Variants in HEG1 observed in about 807,000 individuals in gnomAD.
HEG1 encodes the protein protein HEG homolog 1.
HEG1 carries 56 observed loss-of-function variants against 125.6 expected under a neutral mutation model. The observed-to-expected ratio is 0.45, with a 90% CI of 0.36 to 0.56. The LOEUF (loss-of-function observed/expected upper bound fraction) is 0.56, where lower values mean the gene tolerates loss of function less well. Ranked by LOEUF, HEG1 falls within the 20% of genes least tolerant of loss-of-function variation. HEG1 has a pLI of 0.00. For synonymous variants in HEG1, 644 were observed against 668.5 expected, an observed-to-expected ratio of 0.96 and a Z score of 0.57; for missense variants, 1,523 against 1,670.0, an observed-to-expected ratio of 0.91 and a Z score of 1.53.
chr3:124,972,824 G>C (rs999016391), intron 16 of HEG1, among the ~76,000 whole-genome samples: 1 of 152,160 alleles, frequency 6.6e-6, no homozygotes. Context: ...AGGCAGCAAG[G>C]GTTCAAGGTT....
intron 6 of HEG1, among the ~76,000 whole-genome samples, chr3:125,011,996 C>T (rs747996327): frequency 1.3e-5 from 2 of 152,160 alleles, no homozygotes; most frequent in East Asian, 1.9e-4. Context: ...TCTGGCCGTG[C>T]GGTCACTGTG....
chr3:125,017,530 C>T (rs77663591), intron 5 of HEG1, among the ~76,000 whole-genome samples: 2,734 of 152,216 alleles, frequency 0.018, 79 homozygotes, highest in African/African-American at 0.063. Flanking sequence ...GAGATGCCTC[C>T]ACCCCCACTC....
Position 125,028,025 on chromosome 3 carries a change from C to CTT in HEG1, c.611-519_611-518insAA, listed in dbSNP as rs1402009612. ...AGGACCTGAAACCATGGAGTCATCT[C>CTT]TGACGGCTTCATCCTTTACTTTCAG... On this transcript the variant is annotated intron_variant, in intron 2 of 16. Coordinates refer to ENST00000311127, the MANE Select transcript of HEG1 (RefSeq NM_020733.2). Among the ~76,000 whole-genome samples, 3 of 151,536 alleles carry CTT rather than the reference C, an allele frequency of 2.0e-5. No homozygotes were observed. The East Asian group carries it at 5.8e-4, about 29-fold the overall frequency.
chr3:124,995,424 T>C (rs1936905107), intron 12 of HEG1, among the ~76,000 whole-genome samples: 1 of 152,272 alleles, frequency 6.6e-6, no homozygotes, highest in Non-Finnish European at 1.5e-5. Flanking sequence ...AGACATTTTC[T>C]GTGAGACACC....
intron 9 of HEG1, among the ~76,000 whole-genome samples, chr3:125,004,221 A>G (rs1028692947): frequency 1.3e-5 from 2 of 152,234 alleles, no homozygotes; most frequent in African/African-American, 2.4e-5. Flanking sequence ...GATAAAGTCC[A>G]AAGTCCTGTA....
chr3:125,035,501 GATAA>G (rs1937540970), intron 1 of HEG1, among the ~76,000 whole-genome samples: 1 of 152,072 alleles, frequency 6.6e-6, no homozygotes, highest in African/African-American at 2.4e-5. Flanking sequence ...AAAGACAGTG[GATAA>G]ATATTTTCAA....
chr3:125,030,378 A>C (rs913131197), intron 1 of HEG1, among the ~76,000 whole-genome samples: 2 of 152,242 alleles, frequency 1.3e-5, no homozygotes. Flanking sequence ...AATGTGGACA[A>C]AGATTTAGCT....
intron 1 of HEG1, among the ~76,000 whole-genome samples, chr3:125,045,386 T>C (rs1937646587): frequency 6.6e-6 from 1 of 152,220 alleles, no homozygotes; most frequent in Non-Finnish European, 1.5e-5. Context: ...CTGGACTATT[T>C]TATCTTGTTA....
chr3:125,024,200 T>C (rs568515025), intron 3 of HEG1, among the ~76,000 whole-genome samples: 80 of 152,306 alleles, frequency 5.3e-4, no homozygotes, highest in South Asian at 1.5e-3. Context: ...AAAACAGCAA[T>C]TGAAGGCATT....
chr3:125,049,257 ACTTACATGGAC>A lies in HEG1; in HGVS notation c.316+6307_316+6317del, dbSNP rs901593318. On this transcript the variant is annotated intron_variant, in intron 1 of 16. Transcript: ENST00000311127. The stretch of plus-strand genomic sequence containing the variant: ...CAAGACAGAAAGCAGAAATATGTTA[ACTTACATGGAC>A]CTTCACAGACCTCCACATATGATGC... Among the ~76,000 whole-genome samples, 12 of 152,280 alleles carry A rather than the reference ACTTACATGGAC, an allele frequency of 7.9e-5. No homozygotes were observed. The East Asian group carries it at 2.3e-3, about 29-fold the overall frequency.
intron 3 of HEG1, among the ~76,000 whole-genome samples, chr3:125,022,273 T>C (rs1329670021): frequency 6.6e-6 from 1 of 152,196 alleles, no homozygotes; most frequent in African/African-American, 2.4e-5. Flanking sequence ...TAAAAGGCTT[T>C]GAGCTGTTAA....
rs766088888 is a variant in HEG1, at chr3:125,027,349, C to A, written c.769G>T (p.Ala257Ser). The stretch of plus-strand genomic sequence containing the variant: ...GCAGGAAGAAAGGACGGGCTCCAAG[C>A]CGAAGTGGTGGCCTCTTGGCTGTGC... ...TVHSQEATTS[A>S]WSPSFLPALE... The change falls in exon 3 of 17, where the codon GCT becomes TCT. Residue 257 changes from alanine to serine, a missense_variant. Transcript: ENST00000311127. 3 of 1,613,904 alleles carry A rather than the reference C, an allele frequency of 1.9e-6. No homozygotes were observed. Among genetic ancestry groups the A allele is most frequent in the African/African-American group, 1.3e-5 (1 of 74,928 alleles).
At chr3:125,017,107 T>G (rs1937261427) in intron 5 of HEG1, among the ~76,000 whole-genome samples, 1 of 151,650 alleles carries the variant, frequency 6.6e-6, no homozygotes, top group Admixed American at 6.6e-5. Flanking sequence ...CAGGCTAGAG[T>G]GCAGTGGCAT....
chr3:124,985,702 C>A (rs548906875), intron 14 of HEG1, among the ~76,000 whole-genome samples: 1 of 152,172 alleles, frequency 6.6e-6, no homozygotes, highest in South Asian at 2.1e-4. Context: ...TGCAGGCCTG[C>A]GCTGCCCAGG....
At chr3:124,971,465 CCTCT>C (rs1030357500) in intron 16 of HEG1, among the ~76,000 whole-genome samples, 1 of 150,122 alleles carries the variant, frequency 6.7e-6, no homozygotes, top group Non-Finnish European at 1.5e-5. Flanking sequence ...TTTACCTTTC[CCTCT>C]CTTTCTTTCT....
At position 125,020,934 on chromosome 3, in the gene HEG1, G is replaced by A; in HGVS notation, c.1110C>T (p.Ser370=). The change falls in exon 4 of 17, where the codon TCC becomes TCT. Residue 370 remains serine, a synonymous_variant. Coordinates refer to ENST00000311127, the MANE Select transcript of HEG1 (RefSeq NM_020733.2). ...PKDSRIATTS[S]SVLLSPSAVE... is the part of the protein sequence containing the mutation. ...CTGCAGAGGGTGAAAGAAGGACTGA[G>A]GATGAAGTCGTGGCAATTCTGGAGT... is the stretch of plus-strand genomic sequence containing the variant. The A allele has an allele frequency of 1.1e-5, 17 of 1,614,018 alleles. No individual in the cohort carries two copies. Among genetic ancestry groups the A allele is most frequent in the African/African-American group, 1.3e-5 (1 of 75,054 alleles).
intron 8 of HEG1, among the ~76,000 whole-genome samples, chr3:125,009,279 C>G (rs1284343442): frequency 6.6e-6 from 1 of 150,442 alleles, no homozygotes; most frequent in Non-Finnish European, 1.5e-5. Flanking sequence ...TTTTCTCCAT[C>G]TAAATTGTTT....
chr3:124,989,875 T>C (rs1046109684), intron 14 of HEG1, among the ~76,000 whole-genome samples: 5 of 152,078 alleles, frequency 3.3e-5, no homozygotes, highest in African/African-American at 1.2e-4. Context: ...TTGATTAGAG[T>C]CTACACTCCT....
intron 1 of HEG1, among the ~76,000 whole-genome samples, chr3:125,050,831 A>G (rs1005435032): frequency 6.6e-6 from 1 of 152,186 alleles, no homozygotes; most frequent in African/African-American, 2.4e-5. Context: ...CATCTGCCAC[A>G]CTCCAACAAA....
Sources: gnomAD v4.1 joint callset for allele counts (sites outside exome capture counted in the v4.1 genomes callset) on GRCh38, gnomAD v4.1.1 for gene constraint, MANE v1.5 for transcripts, NCBI Gene and HGNC (gene_info 2026-07-23, HGNC 2026-07-21) for gene names.